Variants in MYBPC2 observed in about 807,000 individuals in gnomAD.
The protein encoded by MYBPC2 is myosin-binding protein C, fast-type.
MYBPC2 carries 122 observed loss-of-function variants against 137.0 expected under a neutral mutation model. That is an observed-to-expected ratio of 0.89 (90% CI 0.77 to 1.03). The LOEUF is 1.03. Among genes scored for constraint, MYBPC2 ranks in the 50% least tolerant of loss-of-function variants. MYBPC2 has a pLI of 0.00. For missense variants in MYBPC2, 1,500 were observed against 1,534.4 expected (o/e 0.98, Z 0.37); for synonymous variants, 626 against 612.3 (o/e 1.02, Z -0.33).
At chr19:50,458,879 G>A (rs1169525229) in intron 21 of MYBPC2, 39 bp from the exon 22 acceptor site, 2 of 1,594,988 alleles carry the variant, frequency 1.3e-6, no homozygotes, top group Non-Finnish European at 8.5e-7. Flanking sequence ...ATGCGCCCCG[G>A]CCCCCCGCTG....
In MYBPC2 at chr19:50,454,584, C is replaced by T. The variant is rs545703303; in HGVS notation, c.2014+215C>T. On this transcript the variant is annotated intron_variant, in intron 18 of 27. Coordinates refer to ENST00000357701, the MANE Select transcript of MYBPC2 (RefSeq NM_004533.4). ...GGGATTACAGGTGCCCACCACCACGCCCGGCTAATTTTTGTATTTTTAGTA... is the reference window on the plus strand; with the variant it reads ...GGGATTACAGGTGCCCACCACCACGTCCGGCTAATTTTTGTATTTTTAGTA... Among the ~76,000 whole-genome samples, 5 of 152,054 alleles carry T rather than the reference C, an allele frequency of 3.3e-5. No individual in the cohort carries two copies. In the South Asian group the frequency reaches 1.0e-3, roughly 32 times the overall value.
intron 18 of MYBPC2, 48 bp from the exon 19 acceptor site, chr19:50,455,060 C>A (rs1000525881): frequency 5.2e-6 from 8 of 1,534,020 alleles, no homozygotes; most frequent in Middle Eastern, 2.3e-4. Flanking sequence ...CTGACTCATG[C>A]CCCATGCCCT....
chr19:50,455,739 G>A (rs2039904570), intron 20 of MYBPC2, 95 bp downstream of exon 20: 4 of 1,512,990 alleles, frequency 2.6e-6, no homozygotes, highest in South Asian at 2.5e-5. Flanking sequence ...GGACAGAGAT[G>A]GGTGCAGTGG....
At chr19:50,441,246 A>G (rs757951590) in intron 8 of MYBPC2, among the ~76,000 whole-genome samples, 170 bp downstream of exon 8, 2 of 152,132 alleles carry the variant, frequency 1.3e-5, no homozygotes, top group Non-Finnish European at 2.9e-5. Flanking sequence ...AGGACTAGCT[A>G]AAACAGGGAC....
chr19:50,460,098 G>A lies in MYBPC2; in HGVS notation c.2850G>A (p.Leu950=). The change falls in exon 24 of 28, where the codon CTG becomes CTA. Residue 950 remains leucine (L), a synonymous_variant. Transcript: ENST00000357701. Reference sequence around the variant, plus strand: ...AGGAGGTGTGGGGCACGAACGCGCTGGTGGAGTGGCAGGCCCCCAAAGATG... The same window carrying A: ...AGGAGGTGTGGGGCACGAACGCGCTAGTGGAGTGGCAGGCCCCCAAAGATG... The part of the protein sequence containing the change: ...MVKEVWGTNA[L]VEWQAPKDDG... 1 of 1,580,732 alleles carries A rather than the reference G, an allele frequency of 6.3e-7. No individual in the cohort carries two copies.
intron 7 of MYBPC2, among the ~76,000 whole-genome samples, chr19:50,440,336 A>AAATAAATT (rs1275558045): frequency 1.3e-5 from 2 of 150,276 alleles, no homozygotes; most frequent in African/African-American, 4.9e-5. Flanking sequence ...ATAAATAAAT[A>AAATAAATT]AATAAATAAA....
chr19:50,446,011 TA>T lies in MYBPC2; in HGVS notation c.1267del (p.Thr423ProfsTer10). 6.2e-7 allele frequency: 1 copy of T among 1,613,460 alleles called. No homozygotes were observed. Among genetic ancestry groups the T allele is most frequent in the Non-Finnish European group, 8.5e-7 (1 of 1,179,696 alleles). The part of the protein sequence containing the change: ...VQEDRGRYQV[I>X]TNGGQCEAEL... ...GAGGACAGGGGTCGCTATCAGGTCA[TA>T]ACCAATGGCGGCCAGTGTGAGGCCG... On this transcript the variant is annotated frameshift_variant, in exon 12 of 28. Transcript: ENST00000357701. LOFTEE classifies it high-confidence loss of function.
Position 50,465,246 on chromosome 19 carries a change from A to G in MYBPC2, c.3415+714A>G, listed in dbSNP as rs2040005346. Among the ~76,000 whole-genome samples, 1 of 151,958 alleles carries G rather than the reference A, an allele frequency of 6.6e-6. No individual in the cohort carries two copies. The highest frequency in any genetic ancestry group is 1.5e-5 in the Non-Finnish European group (1 of 67,978). ...CCCGGTTCTTCCCACATGATGTCCC[A>G]GCCACACCGGGCTGTTGGCAGTTAC... On this transcript the variant is annotated intron_variant, in intron 27 of 27. Transcript: ENST00000357701. This position sits in a 1 kb window ranked among gnomAD's most constrained non-coding sequence, Gnocchi z 4.5.
chr19:50,436,684 T>C lies in MYBPC2; in HGVS notation c.413T>C (p.Val138Ala), dbSNP rs2039707186. ...GACCGTGGGTATTACCGCCTCGAGGTCAAAGCCAAGGACACCTGTGACAGC... is the reference window on the plus strand; with the variant it reads ...GACCGTGGGTATTACCGCCTCGAGGCCAAAGCCAAGGACACCTGTGACAGC... Reference protein sequence around the residue: ...LGDRGYYRLEVKAKDTCDSCG... With the variant: ...LGDRGYYRLEAKAKDTCDSCG... Residue 138 changes from valine to alanine, a missense_variant, in exon 5 of 28, where the codon GTC becomes GCC. Transcript: ENST00000357701. 6.2e-7 allele frequency: 1 copy of C among 1,613,738 alleles called. No homozygotes were observed. Among genetic ancestry groups the C allele is most frequent in the East Asian group, 2.2e-5 (1 of 44,868 alleles).
rs767028082 is a variant in MYBPC2 at position 50,443,528 on chromosome 19, C to T, written c.937C>T (p.Leu313Phe). 21 of 1,613,220 alleles carry T rather than the reference C, an allele frequency of 1.3e-5. No homozygotes were observed. Among genetic ancestry groups the T allele is most frequent in the Non-Finnish European group, 1.8e-5 (21 of 1,179,604 alleles). Reference sequence around the variant, plus strand: ...TGAGAACGTTGGTAAGAAGCGAATTCTTACCATCAACAAGTGCACGCTGGC... The same window carrying T: ...TGAGAACGTTGGTAAGAAGCGAATTTTTACCATCAACAAGTGCACGCTGGC... ...VFENVGKKRI[L>F]TINKCTLADD... The change falls in exon 10 of 28, where the codon CTT becomes TTT. Residue 313 changes from leucine (L) to phenylalanine (F), a missense_variant. Coordinates refer to ENST00000357701, the MANE Select transcript of MYBPC2 (RefSeq NM_004533.4).
chr19:50,436,726 A>T lies in MYBPC2; in HGVS notation c.455A>T (p.Asp152Val). 6.2e-7 allele frequency: 1 copy of T among 1,613,692 alleles called. No homozygotes were observed. The highest frequency in any genetic ancestry group is 8.5e-7 in the Non-Finnish European group (1 of 1,179,696). ...TGTGACAGCTGTGGCTTCAACATCG[A>T]TGTGGAGGGTATGCTGGTGGGGGAT... is the stretch of plus-strand genomic sequence containing the variant. ...DTCDSCGFNI[D>V]VEAPRQDASG... Residue 152 changes from aspartate to valine, a missense_variant, in exon 5 of 28, where the codon GAT (aspartate) becomes GTT (valine). Asp to Val is a radical substitution (Grantham distance 152). Coordinates refer to ENST00000357701, the MANE Select transcript of MYBPC2 (RefSeq NM_004533.4).
Position 50,454,022 on chromosome 19 carries a change from A to C in MYBPC2, c.1752A>C (p.Val584=). 1 of 1,595,784 alleles carries C rather than the reference A, an allele frequency of 6.3e-7. No individual in the cohort carries two copies. The highest frequency in any genetic ancestry group is 8.5e-7 in the Non-Finnish European group (1 of 1,172,386). Residue 584 remains valine, a splice_region_variant and synonymous_variant, in exon 17 of 28, where the codon GTA becomes GTC. Transcript: ENST00000357701. ...PVATWLKGDE[V]FTTTEGRTRI... ...GGCCATCTGGTGGCTGCGTTCAGGT[A>C]TTCACGACCACCGAGGGCAGGACCC...
At position 50,461,904 on chromosome 19, in the gene MYBPC2, C is replaced by G. The variant is rs749965113; in HGVS notation, c.3096C>G (p.Ile1032Met). The G allele has an allele frequency of 1.3e-6, 2 of 1,596,498 alleles. No homozygotes were observed. The highest frequency in any genetic ancestry group is 1.7e-6 in the Non-Finnish European group (2 of 1,171,224). ...GGGTGCATCCTCTCTCCCCAGGAAT[C>G]ACCTTCAAACCGTTCGAGTATAAGG... is the stretch of plus-strand genomic sequence containing the variant. ...KNTARILKTG[I>M]TFKPFEYKEH... Residue 1032 changes from isoleucine to methionine, a missense_variant, in exon 26 of 28, where the codon ATC becomes ATG. By Grantham distance (10) the Ile-to-Met change is conservative. Transcript: ENST00000357701.
At chr19:50,436,792 T>C in intron 5 of MYBPC2, 58 bp downstream of exon 5, 3 of 1,517,662 alleles carry the variant, frequency 2.0e-6, no homozygotes, top group African/African-American at 1.4e-5. Flanking sequence ...GGTGGACAGA[T>C]GTACCAGCCA....
intron 8 of MYBPC2, among the ~76,000 whole-genome samples, chr19:50,441,974 C>T (rs1201534808): frequency 6.6e-6 from 1 of 152,214 alleles, no homozygotes; most frequent in Non-Finnish European, 1.5e-5. Context: ...ATAACCCTTG[C>T]AGGCTAAGCC....
rs1258685099 is a variant in MYBPC2, at chr19:50,437,736, C to G, written c.572+18C>G. ...AAGAAGAGGTGAGCCCCGGACTTGG[C>G]ACAGAGAGGGGAGATGGGACTCAAG... is the stretch of plus-strand genomic sequence containing the variant. On this transcript the variant is annotated intron_variant, in intron 7 of 27. Coordinates refer to ENST00000357701, the MANE Select transcript of MYBPC2 (RefSeq NM_004533.4). The G allele has an allele frequency of 1.9e-6, 3 of 1,595,886 alleles. No individual in the cohort carries two copies. In the South Asian group the frequency reaches 3.4e-5, roughly 18 times the overall value.
In MYBPC2 at chr19:50,436,647, G is replaced by A. The variant is rs769824305; in HGVS notation, c.376G>A (p.Val126Met). ...VYTVELHIGK[V>M]VLGDRGYYRL... ...CACCGTGGAGCTGCACATTGGGAAGGTGGTACTGGGGGACCGTGGGTATTA... is the reference window on the plus strand; with the variant it reads ...CACCGTGGAGCTGCACATTGGGAAGATGGTACTGGGGGACCGTGGGTATTA... The change falls in exon 5 of 28, where the codon GTG becomes ATG. Residue 126 changes from valine to methionine, a missense_variant. Physicochemically the swap from Val to Met is conservative, Grantham distance 21. Coordinates refer to ENST00000357701, the MANE Select transcript of MYBPC2 (RefSeq NM_004533.4). The A allele has an allele frequency of 6.2e-7, 1 of 1,613,976 alleles. No individual in the cohort carries two copies. Among genetic ancestry groups the A allele is most frequent in the Non-Finnish European group, 8.5e-7 (1 of 1,179,850 alleles).
chr19:50,443,682 G>T, intron 10 of MYBPC2, 29 bp from the exon 11 acceptor site: 3 of 1,611,296 alleles, frequency 1.9e-6, no homozygotes, highest in Non-Finnish European at 2.5e-6. Context: ...GTCCTGAAAC[G>T]ACTGACCTCC....
chr19:50,437,421 G>A (rs2039713591), intron 5 of MYBPC2, 52 bp from the exon 6 acceptor site: 3 of 1,562,244 alleles, frequency 1.9e-6, no homozygotes, highest in African/African-American at 2.7e-5. Flanking sequence ...CTCAGTCTAA[G>A]ATCAGCCCTG....
Sources: gnomAD v4.1 joint callset for allele counts (sites outside exome capture counted in the v4.1 genomes callset) on GRCh38, gnomAD v4.1.1 for gene constraint, Gnocchi (gnomAD v3.1) non-coding constraint, MANE v1.5 for transcripts, NCBI Gene and HGNC (gene_info 2026-07-23, HGNC 2026-07-21) for gene names.